Variants in SKA2 observed in about 807,000 individuals in gnomAD.
SKA2 encodes spindle and kinetochore associated complex subunit 2.
SKA2 carries 13 observed loss-of-function variants against 16.9 expected under a neutral mutation model. The ratio of observed to expected loss-of-function variants is 0.77; its 90% CI spans 0.50 to 1.22. The LOEUF is 1.22. SKA2 is among the 50% of genes most tolerant of loss of function. SKA2 has a pLI of 0.00. For synonymous variants in SKA2, 47 were observed against 48.5 expected, an observed-to-expected ratio of 0.97 and a Z score of 0.13; for missense variants, 107 against 139.7, an observed-to-expected ratio of 0.77 and a Z score of 1.18.
rs763662759 is a variant in SKA2 at position 59,119,381 on chromosome 17, A to T, written c.235T>A (p.Cys79Ser). Residue 79 changes from cysteine (C) to serine (S), a missense_variant, in exon 3 of 4, where the codon TGT becomes AGT. Transcript: ENST00000330137. ...VEQKESKSRI[C>S]ATVKKTMNMI... The stretch of plus-strand genomic sequence containing the variant: ...TTCATAGTCTTTTTCACAGTAGCAC[A>T]AATGCGGCTCTTACTCTCTTTCTGC... The T allele has an allele frequency of 2.2e-5, 36 of 1,613,900 alleles. No homozygotes were observed. The highest frequency in any genetic ancestry group is 3.0e-5 in the Non-Finnish European group (35 of 1,179,892).
chr17:59,145,080 G>C (rs2046521906), intron 1 of SKA2, among the ~76,000 whole-genome samples: 1 of 152,166 alleles, frequency 6.6e-6, no homozygotes, highest in Non-Finnish European at 1.5e-5. Flanking sequence ...TTACAGGTGT[G>C]AGCCACCATG....
At position 59,143,597 on chromosome 17, in the gene SKA2, C is replaced by A. The variant is rs112321568; in HGVS notation, c.33+11534G>T. The stretch of plus-strand genomic sequence containing the variant: ...CCATGTTGGCCAGGCTGGTCTCAAG[C>A]TCCTGACCTCAGGTGATCTGCCCAC... On this transcript the variant is annotated intron_variant, in intron 1 of 3. Coordinates refer to ENST00000330137, the MANE Select transcript of SKA2 (RefSeq NM_182620.4). Among the ~76,000 whole-genome samples, 300 of 152,088 alleles carry A rather than the reference C, an allele frequency of 2.0e-3. 4 individuals carry two copies. Among genetic ancestry groups the A allele is most frequent in the African/African-American group, 6.9e-3 (286 of 41,508 alleles).
chr17:59,120,875 G>A (rs757357691), intron 2 of SKA2, among the ~76,000 whole-genome samples: 4 of 152,202 alleles, frequency 2.6e-5, no homozygotes, highest in East Asian at 1.9e-4. Flanking sequence ...GGGTTAGGCC[G>A]GGCGCAGTGG....
chr17:59,115,044 G>A (rs1006898558), intron 3 of SKA2, among the ~76,000 whole-genome samples: 25 of 144,180 alleles, frequency 1.7e-4, no homozygotes, highest in South Asian at 2.2e-4. Context: ...TCTTTTTTTC[G>A]TTCTTTCTTC....
chr17:59,155,171 A>G lies in SKA2; in HGVS notation c.-8T>C, dbSNP rs116256937. 922 of 1,613,940 alleles carry G rather than the reference A, an allele frequency of 5.7e-4. 2 individuals carry two copies. The African/African-American group carries it at 0.011, about 19-fold the overall frequency. ...ATCGACCTCCGCCTCCATGTTGAAT[A>G]GTTGACATTCCGCAGACCGCGGCGG... On this transcript the variant is annotated 5_prime_UTR_variant, in exon 1 of 4. Transcript: ENST00000330137.
At chr17:59,121,653 CAA>C (rs147114598) in intron 2 of SKA2, among the ~76,000 whole-genome samples, 9 of 101,682 alleles carry the variant, frequency 8.9e-5, no homozygotes, top group African/African-American at 7.4e-5. Flanking sequence ...AACTCCCTCT[CAA>C]AAAAAAAAAA....
chr17:59,126,093 C>T (rs1169571815), intron 2 of SKA2, among the ~76,000 whole-genome samples: 1 of 151,696 alleles, frequency 6.6e-6, no homozygotes, highest in East Asian at 2.0e-4. Flanking sequence ...ATGGCGTGAA[C>T]CCGGGAGGCG....
intron 3 of SKA2, among the ~76,000 whole-genome samples, chr17:59,115,029 TTTC>T (rs1471992603): frequency 6.6e-6 from 1 of 151,968 alleles, no homozygotes; most frequent in Admixed American, 6.6e-5. Flanking sequence ...GTAAATTTCT[TTTC>T]TTCTTTTTTT....
intron 1 of SKA2, chr17:59,154,837 C>A (rs2046609845): frequency 9.2e-7 from 1 of 1,090,876 alleles, no homozygotes; most frequent in East Asian, 2.4e-5. Flanking sequence ...CGGTCTGCAC[C>A]CGGCGCAGTT....
chr17:59,154,831 C>A, intron 1 of SKA2: 4 of 1,011,186 alleles, frequency 4.0e-6, no homozygotes, highest in Non-Finnish European at 5.9e-6. Flanking sequence ...AGAATGCGGT[C>A]TGCACCCGGC....
At chr17:59,148,950 A>G (rs899147804) in intron 1 of SKA2, among the ~76,000 whole-genome samples, 8 of 152,166 alleles carry the variant, frequency 5.3e-5, no homozygotes, top group African/African-American at 1.9e-4. Flanking sequence ...TGAAACTACA[A>G]TGGGGCACCA....
chr17:59,136,067 G>A (rs1249294480), intron 1 of SKA2, among the ~76,000 whole-genome samples: 1 of 151,336 alleles, frequency 6.6e-6, no homozygotes, highest in African/African-American at 2.4e-5. Context: ...CAAAAGGAAG[G>A]GAGGAAGGAA....
intron 2 of SKA2, among the ~76,000 whole-genome samples, chr17:59,129,670 A>G (rs2046397305): frequency 6.6e-6 from 1 of 151,808 alleles, no homozygotes; most frequent in Admixed American, 6.6e-5. Flanking sequence ...CCAGCCTAAC[A>G]TGGTGAAACC....
At chr17:59,118,324 T>C (rs1487449535) in intron 3 of SKA2, 1 of 152,184 alleles carries the variant, frequency 6.6e-6, no homozygotes, top group Non-Finnish European at 1.5e-5. Flanking sequence ...CAATTTGTAG[T>C]CTCAAAAATA....
At chr17:59,128,620 G>A (rs1318361942) in intron 2 of SKA2, among the ~76,000 whole-genome samples, 13 of 147,586 alleles carry the variant, frequency 8.8e-5, no homozygotes, top group Non-Finnish European at 3.0e-5. Flanking sequence ...AGCGAGACTC[G>A]GTCTCAAAAA....
intron 2 of SKA2, among the ~76,000 whole-genome samples, chr17:59,125,287 G>A (rs1038248762): frequency 5.3e-5 from 8 of 150,672 alleles, no homozygotes; most frequent in Admixed American, 1.3e-4. Flanking sequence ...CACCGCGCCC[G>A]GCCAGGAGCC....
At chr17:59,114,090 A>G (rs2046281441) in intron 3 of SKA2, among the ~76,000 whole-genome samples, 2 of 152,182 alleles carry the variant, frequency 1.3e-5, no homozygotes, top group Admixed American at 1.3e-4. Flanking sequence ...AGCAGTGAGT[A>G]AAGTCTTCCT....
At chr17:59,152,503 G>T (rs1029962716) in intron 1 of SKA2, among the ~76,000 whole-genome samples, 9 of 152,004 alleles carry the variant, frequency 5.9e-5, no homozygotes, top group Admixed American at 3.9e-4. Context: ...TTCTGAATTG[G>T]AAGTTATTAC....
chr17:59,138,585 A>G (rs1440293867), intron 1 of SKA2, among the ~76,000 whole-genome samples: 1 of 151,850 alleles, frequency 6.6e-6, no homozygotes, highest in Non-Finnish European at 1.5e-5. Flanking sequence ...CACACGCCAC[A>G]ACGCCTAGTA....
Sources: allele counts gnomAD v4.1 joint callset (sites outside exome capture counted in the v4.1 genomes callset), GRCh38; gene constraint gnomAD v4.1.1; transcripts MANE v1.5; gene names NCBI Gene and HGNC (gene_info 2026-07-23, HGNC 2026-07-21).